ATM: variants seen among roughly 807,000 people sequenced by gnomAD.
ATM encodes serine-protein kinase ATM.
ATM carries 308 observed loss-of-function variants against 387.0 expected under a neutral mutation model. The observed-to-expected ratio is 0.80, with a 90% CI of 0.73 to 0.87. ATM has a LOEUF of 0.87. Among genes scored for constraint, ATM ranks in the 40% least tolerant of loss-of-function variants. The pLI is 0.00. For synonymous variants in ATM, 1,156 were observed against 1,187.3 expected, an observed-to-expected ratio of 0.97 and a Z score of 0.54; for missense variants, 3,312 against 3,560.9, an observed-to-expected ratio of 0.93 and a Z score of 1.78.
At chr11:108,331,785 GAC>G in intron 51 of ATM, 92 bp from the exon 52 acceptor site, 1 of 1,447,346 alleles carries the variant, frequency 6.9e-7, no homozygotes, top group Non-Finnish European at 9.6e-7. Flanking sequence ...GCAGTATCTA[GAC>G]AGTAATACAC....
At chr11:108,268,002 CAT>C (rs1290712406) in intron 17 of ATM, among the ~76,000 whole-genome samples, 1 of 152,210 alleles carries the variant, frequency 6.6e-6, no homozygotes, top group African/African-American at 2.4e-5. Context: ...TCAACATTCA[CAT>C]GTTATGAATG....
intron 25 of ATM, 103 bp from the exon 26 acceptor site, chr11:108,284,124 A>G (rs2135702298): frequency 1.2e-6 from 1 of 845,816 alleles, no homozygotes; most frequent in South Asian, 1.8e-5. Flanking sequence ...AAAGTATGAT[A>G]CTTTAATGCT....
intron 4 of ATM, among the ~76,000 whole-genome samples, chr11:108,234,160 C>T (rs1022732978): frequency 5.3e-5 from 8 of 152,072 alleles, no homozygotes; most frequent in African/African-American, 1.9e-4. Context: ...AAAAAAGGAT[C>T]ACATGGTTGT....
intron 4 of ATM, chr11:108,231,485 C>G (rs2079008085): frequency 6.6e-6 from 1 of 152,074 alleles, no homozygotes; most frequent in South Asian, 2.1e-4. Flanking sequence ...CACCTGAGGT[C>G]AGGAGTTCGA....
intron 49 of ATM, 120 bp from the exon 50 acceptor site, chr11:108,330,094 T>G: frequency 1.0e-6 from 1 of 1,002,446 alleles, no homozygotes; most frequent in South Asian, 1.4e-5. Flanking sequence ...CTTAGAAGTT[T>G]GCTTTTTTCC....
chr11:108,330,211 A>G lies in ATM; in HGVS notation c.7308-3A>G, dbSNP rs2136451104. 1 of 1,613,492 alleles carries G rather than the reference A, an allele frequency of 6.2e-7. No homozygotes were observed. Among genetic ancestry groups the G allele is most frequent in the Non-Finnish European group, 8.5e-7 (1 of 1,179,482 alleles). On this transcript the variant is annotated splice_polypyrimidine_tract_variant and splice_region_variant and intron_variant, in intron 49 of 62. Coordinates refer to ENST00000675843, the MANE Select transcript of ATM (RefSeq NM_000051.4). ...GTGTTTTACCTTAATTATTCTATGC[A>G]AGATACACAGTAAAGGTTCAGCGAG...
intron 56 of ATM, among the ~76,000 whole-genome samples, chr11:108,338,070 C>T (rs2087051180): frequency 6.6e-6 from 1 of 152,230 alleles, no homozygotes; most frequent in South Asian, 2.1e-4. Flanking sequence ...GATTTCTAGC[C>T]GGGCATGGTG....
At chr11:108,313,690 G>C (rs537732659) in intron 40 of ATM, among the ~76,000 whole-genome samples, 2 of 151,986 alleles carry the variant, frequency 1.3e-5, no homozygotes, top group Non-Finnish European at 2.9e-5. Flanking sequence ...GCTAAGCATG[G>C]GTACTGAACT....
At chr11:108,254,112 G>A in intron 13 of ATM, 73 bp downstream of exon 13, 3 of 1,458,628 alleles carry the variant, frequency 2.1e-6, no homozygotes, top group Non-Finnish European at 2.8e-6. Flanking sequence ...AGGAGAAATA[G>A]GGGCAGGAAA....
Position 108,268,726 on chromosome 11 carries a change from A to G in ATM, c.2838+117A>G, listed in dbSNP as rs2081407138. 6 of 1,162,866 alleles carry G rather than the reference A, an allele frequency of 5.2e-6. No individual in the cohort carries two copies. The South Asian group carries it at 7.6e-5, about 15-fold the overall frequency. 72.0% of individuals were successfully genotyped at this position (1,162,866 alleles called of 1,614,324 possible). On this transcript the variant is annotated intron_variant, in intron 18 of 62. Transcript: ENST00000675843. ...TTGAAGAATTGAAATTGCTTTCTTGAGAAATGAACCTGAGACTAGTTGGAA... is the reference window on the plus strand; with the variant it reads ...TTGAAGAATTGAAATTGCTTTCTTGGGAAATGAACCTGAGACTAGTTGGAA...
chr11:108,316,316 C>G (rs1024979882), intron 42 of ATM, among the ~76,000 whole-genome samples: 1 of 152,108 alleles, frequency 6.6e-6, no homozygotes, highest in African/African-American at 2.4e-5. Context: ...CAGGGAGACA[C>G]AGGAAAGTCA....
rs1591166484 is a variant in ATM at position 108,331,382 on chromosome 11, T to C, written c.7516-62T>C. On this transcript the variant is annotated intron_variant, in intron 50 of 62. Transcript: ENST00000675843. ...CACTGTCTTAAAATAACTTACTTGC[T>C]TAGATGTGAGAATATTTGAAATACC... 3.8e-6 allele frequency: 6 copies of C among 1,571,452 alleles called. No homozygotes were observed. In the East Asian group the frequency reaches 1.4e-4, roughly 37 times the overall value.
chr11:108,343,581 A>G (rs2087885853), intron 57 of ATM, among the ~76,000 whole-genome samples: 1 of 152,248 alleles, frequency 6.6e-6, no homozygotes, highest in Admixed American at 6.5e-5. Context: ...CCCTTGTCAG[A>G]TAAGAAATGT....
At position 108,263,154 on chromosome 11, in the gene ATM, C is replaced by T. The variant is rs1351034445; in HGVS notation, c.2467-4017C>T. The stretch of plus-strand genomic sequence containing the variant: ...GCAGACCTAATAGACATCTACAGAA[C>T]TCTCCACCCCAAATCAACAGAATAT... On this transcript the variant is annotated intron_variant, in intron 16 of 62. Transcript: ENST00000675843. Among the ~76,000 whole-genome samples, 31 of 148,244 alleles carry T rather than the reference C, an allele frequency of 2.1e-4. 2 individuals carry two copies. The East Asian group carries it at 5.2e-3, about 25-fold the overall frequency.
intron 24 of ATM, among the ~76,000 whole-genome samples, chr11:108,281,453 A>G (rs1181908577): frequency 6.6e-6 from 1 of 152,190 alleles, no homozygotes; most frequent in Non-Finnish European, 1.5e-5. Context: ...TGGAAATAGT[A>G]TTTATTGAGG....
intron 26 of ATM, 38 bp downstream of exon 26, chr11:108,284,511 A>G: frequency 6.2e-7 from 1 of 1,609,016 alleles, no homozygotes; most frequent in African/African-American, 1.3e-5. Context: ...CATTCCCTGA[A>G]TGATATGAGA....
At chr11:108,255,292 C>G (rs1480810095) in intron 13 of ATM, among the ~76,000 whole-genome samples, 1 of 152,020 alleles carries the variant, frequency 6.6e-6, no homozygotes, top group Non-Finnish European at 1.5e-5. Flanking sequence ...TAACCACTTT[C>G]ATTACAAAGT....
chr11:108,352,134 G>C (rs1364350826), intron 59 of ATM, among the ~76,000 whole-genome samples: 1 of 152,178 alleles, frequency 6.6e-6, no homozygotes. Flanking sequence ...GGCATACCTG[G>C]AACCAGGAAA....
At position 108,287,598 on chromosome 11, in the gene ATM, A is replaced by G. The variant is rs587782276; in HGVS notation, c.3994-2A>G. ...ATATATTTTAATTTTGTGCCCTTGC[A>G]GATTGATCACTTATTCATTAGTAAT... On this transcript the variant is annotated splice_acceptor_variant, in intron 26 of 62. Transcript: ENST00000675843. LOFTEE classifies it high-confidence loss of function. The G allele has an allele frequency of 4.4e-6, 7 of 1,590,390 alleles. No individual in the cohort carries two copies. Among genetic ancestry groups the G allele is most frequent in the Non-Finnish European group, 5.2e-6 (6 of 1,159,206 alleles).
Sources: gnomAD v4.1 joint callset for allele counts (sites outside exome capture counted in the v4.1 genomes callset) on GRCh38, gnomAD v4.1.1 for gene constraint, MANE v1.5 for transcripts, NCBI Gene and HGNC (gene_info 2026-07-23, HGNC 2026-07-21) for gene names.